The following EPHA6 variants were observed in gnomAD, a reference collection of about 807,000 sequenced individuals.
EPHA6 encodes the protein EPH receptor A6, also known as ephrin type-A receptor 6.
A neutral mutation model predicts 112.0 loss-of-function variants in EPHA6; 50 were observed. The observed-to-expected ratio is 0.45, with a 90% CI of 0.36 to 0.56. EPHA6 has a LOEUF of 0.56. Ranked by LOEUF, EPHA6 falls within the 20% of genes least tolerant of loss-of-function variation. The pLI is 0.00. For synonymous variants in EPHA6, 529 were observed against 490.7 expected (o/e 1.08, Z -1.03); for missense variants, 1,280 against 1,417.4 (o/e 0.90, Z 1.56).
At chr3:97,389,470 A>G (rs927118786) in intron 5 of EPHA6, among the ~76,000 whole-genome samples, 5 of 152,190 alleles carry the variant, frequency 3.3e-5, no homozygotes, top group Admixed American at 1.3e-4. Context: ...ATTTTTTGAA[A>G]TTAATGTTAC....
intron 5 of EPHA6, among the ~76,000 whole-genome samples, chr3:97,274,010 G>C (rs925839048): frequency 5.9e-5 from 9 of 152,176 alleles, no homozygotes; most frequent in Non-Finnish European, 1.3e-4. Context: ...TCCCTGAGGG[G>C]TAGTAGAATA....
intron 2 of EPHA6, among the ~76,000 whole-genome samples, chr3:96,939,087 C>T (rs1446540664): frequency 6.6e-6 from 1 of 152,112 alleles, no homozygotes; most frequent in African/African-American, 2.4e-5. Flanking sequence ...TGTGTCTCTG[C>T]CAGGCTTTGG....
intron 6 of EPHA6, among the ~76,000 whole-genome samples, chr3:97,428,663 C>T (rs761492904): frequency 4.6e-5 from 7 of 152,100 alleles, no homozygotes; most frequent in Non-Finnish European, 1.0e-4. Context: ...TCAGTGGCGA[C>T]GAGGAGAGTG....
intron 9 of EPHA6, among the ~76,000 whole-genome samples, chr3:97,481,998 C>T (rs535301859): frequency 2.4e-4 from 36 of 152,216 alleles, no homozygotes; most frequent in African/African-American, 7.0e-4. Flanking sequence ...GAAAATAACT[C>T]GAGACAGCCA....
intron 3 of EPHA6, among the ~76,000 whole-genome samples, chr3:97,032,513 T>G (rs2108022150): frequency 6.6e-6 from 1 of 152,056 alleles, no homozygotes; most frequent in African/African-American, 2.4e-5. Context: ...TAGATCCAAA[T>G]ATGAGTCACT....
chr3:97,088,702 T>A (rs570877994), intron 3 of EPHA6, among the ~76,000 whole-genome samples: 1 of 152,284 alleles, frequency 6.6e-6, no homozygotes, highest in South Asian at 2.1e-4. Context: ...TCTCAGTGCC[T>A]GCCTGGGAGA....
chr3:97,306,101 A>G (rs1279329229), intron 5 of EPHA6, among the ~76,000 whole-genome samples: 2 of 151,854 alleles, frequency 1.3e-5, no homozygotes, highest in Admixed American at 6.6e-5. Flanking sequence ...AAAGGTTTTA[A>G]GAATCAAGGA....
In EPHA6 at chr3:96,814,759, C is replaced by T. The variant is rs750834459; in HGVS notation, c.136C>T (p.Pro46Ser). Residue 46 changes from proline (P) to serine (S), a missense_variant, in exon 1 of 18, where the codon CCC becomes TCC. By Grantham distance (74) the Pro-to-Ser change is moderately conservative. Transcript: ENST00000389672. ...TCCCGGGACCTCGCGCAGGGGGCGC[C>T]CCGGGACACCCCCTGCGGGCCGGGT... The part of the protein sequence containing the change: ...PVPGTSRRGR[P>S]GTPPAGRVEE... 10 of 1,599,822 alleles carry T rather than the reference C, an allele frequency of 6.3e-6. No homozygotes were observed. Among genetic ancestry groups the T allele is most frequent in the Admixed American group, 1.7e-5 (1 of 58,502 alleles).
chr3:97,661,427 C>A (rs1322705283), intron 14 of EPHA6, among the ~76,000 whole-genome samples: 2 of 152,124 alleles, frequency 1.3e-5, no homozygotes, highest in Admixed American at 6.6e-5. Context: ...GGCCCTATTA[C>A]TGAGACATCT....
intron 3 of EPHA6, among the ~76,000 whole-genome samples, chr3:97,146,774 C>T (rs2076053316): frequency 6.6e-6 from 1 of 151,896 alleles, no homozygotes; most frequent in Admixed American, 6.6e-5. Flanking sequence ...ATACTAACAG[C>T]TTTCTAATTG....
chr3:97,084,127 T>TAG (rs2046819206), intron 3 of EPHA6, among the ~76,000 whole-genome samples: 1 of 133,516 alleles, frequency 7.5e-6, no homozygotes, highest in African/African-American at 2.9e-5. Context: ...TATATATGGA[T>TAG]ATATATCCAT....
intron 2 of EPHA6, among the ~76,000 whole-genome samples, chr3:96,983,092 A>G (rs2042869080): frequency 6.6e-6 from 1 of 152,260 alleles, no homozygotes; most frequent in Non-Finnish European, 1.5e-5. Context: ...TGATCCTGTC[A>G]TTATGATGTT....
At chr3:97,483,078 CT>C (rs1445112243) in intron 9 of EPHA6, among the ~76,000 whole-genome samples, 1 of 152,188 alleles carries the variant, frequency 6.6e-6, no homozygotes, top group Non-Finnish European at 1.5e-5. Context: ...CATAGCAAGA[CT>C]GCCATTTCTC....
At chr3:97,724,587 G>A (rs998617098) in intron 15 of EPHA6, among the ~76,000 whole-genome samples, 13 of 151,980 alleles carry the variant, frequency 8.6e-5, no homozygotes, top group South Asian at 4.1e-4. Flanking sequence ...GGAATATAGC[G>A]AGACCTTGTC....
At chr3:97,156,962 T>C (rs1028589502) in intron 3 of EPHA6, among the ~76,000 whole-genome samples, 5 of 152,168 alleles carry the variant, frequency 3.3e-5, no homozygotes, top group African/African-American at 1.2e-4. Flanking sequence ...GTGGTTATTA[T>C]TTAGCACAGC....
intron 14 of EPHA6, among the ~76,000 whole-genome samples, chr3:97,653,614 C>T (rs565053668): frequency 7.9e-5 from 12 of 151,860 alleles, no homozygotes; most frequent in East Asian, 7.8e-4. Context: ...AGAAAATTAA[C>T]GATAGAATTA....
At chr3:97,611,033 G>A (rs1560188752) in intron 13 of EPHA6, among the ~76,000 whole-genome samples, 179 bp downstream of exon 13, 1 of 151,692 alleles carries the variant, frequency 6.6e-6, no homozygotes, top group African/African-American at 2.4e-5. Context: ...ACTAAGGGGG[G>A]AGGATGTACA....
At chr3:96,978,850 C>A (rs910664603) in intron 2 of EPHA6, among the ~76,000 whole-genome samples, 1 of 152,074 alleles carries the variant, frequency 6.6e-6, no homozygotes, top group Non-Finnish European at 1.5e-5. Flanking sequence ...ACTTCAGACC[C>A]TTCTCTCATT....
At chr3:97,392,527 G>A (rs911448265) in intron 5 of EPHA6, among the ~76,000 whole-genome samples, 1 of 151,396 alleles carries the variant, frequency 6.6e-6, no homozygotes, top group Non-Finnish European at 1.5e-5. Context: ...ATATTTTTTT[G>A]TAACTTGTTT....
Sources: allele counts gnomAD v4.1 joint callset (sites outside exome capture counted in the v4.1 genomes callset), GRCh38; gene constraint gnomAD v4.1.1; transcripts MANE v1.5; gene names NCBI Gene and HGNC (gene_info 2026-07-23, HGNC 2026-07-21).